The following ATRNL1 variants were observed in gnomAD, a reference collection of about 807,000 sequenced individuals.
ATRNL1 encodes the protein attractin like 1, also known as attractin-like protein 1.
A neutral mutation model predicts 182.7 loss-of-function variants in ATRNL1; 95 were observed. The ratio of observed to expected loss-of-function variants is 0.52; its 90% CI spans 0.44 to 0.62. The LOEUF (loss-of-function observed/expected upper bound fraction) is 0.62. ATRNL1 is among the 20% of genes least tolerant of loss of function. The pLI, the probability that ATRNL1 is intolerant of heterozygous loss-of-function variation, is 0.00. For missense variants in ATRNL1, 1,471 were observed against 1,679.5 expected, an observed-to-expected ratio of 0.88 and a Z score of 2.17; for synonymous variants, 576 against 568.3, an observed-to-expected ratio of 1.01 and a Z score of -0.19.
At chr10:115,476,945 C>T (rs1554973257) in intron 24 of ATRNL1, among the ~76,000 whole-genome samples, 1 of 151,310 alleles carries the variant, frequency 6.6e-6, no homozygotes, top group Non-Finnish European at 1.5e-5. Context: ...TACAGAGAAA[C>T]TACATATTTT....
intron 9 of ATRNL1, among the ~76,000 whole-genome samples, chr10:115,228,766 C>CTTT (rs35765835): frequency 2.2e-5 from 3 of 133,792 alleles, no homozygotes; most frequent in Non-Finnish European, 3.2e-5. Context: ...TTCTTTCTTT[C>CTTT]TTTTTTTTTT....
At chr10:115,125,813 A>AC (rs1844946226) in intron 3 of ATRNL1, among the ~76,000 whole-genome samples, 1 of 152,166 alleles carries the variant, frequency 6.6e-6, no homozygotes, top group South Asian at 2.1e-4. Flanking sequence ...TGAAATTACC[A>AC]CCGAGTTTTT....
At chr10:115,527,373 G>A (rs1037477251) in intron 25 of ATRNL1, among the ~76,000 whole-genome samples, 19 of 151,974 alleles carry the variant, frequency 1.3e-4, no homozygotes, top group African/African-American at 4.1e-4. Flanking sequence ...CGCTCACCTC[G>A]GCCTTCCAAA....
intron 26 of ATRNL1, among the ~76,000 whole-genome samples, chr10:115,689,120 A>C (rs12245971): frequency 7.2e-5 from 11 of 151,912 alleles, no homozygotes; most frequent in African/African-American, 2.4e-4. Context: ...AAATATTTCA[A>C]TTTGTTTCTG....
chr10:115,888,344 C>T (rs1363867149), intron 28 of ATRNL1, among the ~76,000 whole-genome samples: 1 of 152,110 alleles, frequency 6.6e-6, no homozygotes, highest in Non-Finnish European at 1.5e-5. Context: ...TTTTTGATGT[C>T]TTTGATTAAT....
At chr10:115,476,665 T>G (rs572961147) in intron 24 of ATRNL1, among the ~76,000 whole-genome samples, 28 of 151,384 alleles carry the variant, frequency 1.8e-4, no homozygotes, top group Non-Finnish European at 3.8e-4. Context: ...CCAAACTACT[T>G]TCAGCTCTCC....
At chr10:115,462,964 C>T (rs920490054) in intron 22 of ATRNL1, among the ~76,000 whole-genome samples, 20 of 151,610 alleles carry the variant, frequency 1.3e-4, no homozygotes, top group Admixed American at 6.6e-4. Flanking sequence ...AGGGTTTATT[C>T]GGGTTGAATT....
At chr10:115,365,499 G>GT (rs1554945657) in intron 19 of ATRNL1, among the ~76,000 whole-genome samples, 1 of 151,972 alleles carries the variant, frequency 6.6e-6, no homozygotes, top group African/African-American at 2.4e-5. Flanking sequence ...TTTTTGAAGG[G>GT]TTTTTTGTGT....
At chr10:115,261,066 A>G (rs1056339260) in intron 10 of ATRNL1, among the ~76,000 whole-genome samples, 1 of 152,090 alleles carries the variant, frequency 6.6e-6, no homozygotes, top group East Asian at 1.9e-4. Context: ...AGCTCATTAC[A>G]AAAAGACAAA....
intron 8 of ATRNL1, among the ~76,000 whole-genome samples, chr10:115,193,803 G>A (rs1332291045): frequency 6.6e-6 from 1 of 151,120 alleles, no homozygotes; most frequent in Non-Finnish European, 1.5e-5. Flanking sequence ...TTGTTTATTT[G>A]AAGCTTTTCT....
intron 26 of ATRNL1, among the ~76,000 whole-genome samples, chr10:115,624,381 T>A (rs1430234794): frequency 6.6e-6 from 1 of 152,164 alleles, no homozygotes; most frequent in Non-Finnish European, 1.5e-5. Flanking sequence ...TAATTTTTAT[T>A]GCAAAATAGT....
chr10:115,736,611 T>C lies in ATRNL1; in HGVS notation c.3903+9256T>C, dbSNP rs534085014. 1.6e-3 allele frequency among the ~76,000 whole-genome samples: 245 copies of C among 152,272 alleles called. 10 individuals are homozygous for C. In the South Asian group the frequency reaches 0.046, roughly 29 times the overall value. On this transcript the variant is annotated intron_variant, in intron 27 of 28. Transcript: ENST00000355044. ...ATTTGGTGATCTTTATGAGCTCTTA[T>C]ATGATCTTAGTTTGTGGTTTGCTAG...
intron 20 of ATRNL1, among the ~76,000 whole-genome samples, chr10:115,421,227 A>G (rs1332432907): frequency 6.6e-6 from 1 of 152,176 alleles, no homozygotes; most frequent in Non-Finnish European, 1.5e-5. Context: ...ACAAAACCAG[A>G]CAAAGATAAA....
chr10:115,185,299 G>A (rs1179531719), intron 8 of ATRNL1, among the ~76,000 whole-genome samples: 3 of 151,992 alleles, frequency 2.0e-5, no homozygotes, highest in Non-Finnish European at 4.4e-5. Context: ...AGAAAGCAGG[G>A]CTCCTTGGAG....
chr10:115,196,925 T>TAGTA (rs1423426792), intron 8 of ATRNL1, among the ~76,000 whole-genome samples: 1 of 152,140 alleles, frequency 6.6e-6, no homozygotes, highest in African/African-American at 2.4e-5. Flanking sequence ...TTAGGATCAT[T>TAGTA]AGTACACTAC....
chr10:115,167,135 G>A (rs527813246), intron 7 of ATRNL1, among the ~76,000 whole-genome samples: 3 of 151,644 alleles, frequency 2.0e-5, no homozygotes, highest in East Asian at 3.9e-4. Context: ...CCCCAACATC[G>A]TTTGTTAAAA....
At chr10:115,910,513 C>G (rs527991588) in intron 28 of ATRNL1, among the ~76,000 whole-genome samples, 1 of 152,116 alleles carries the variant, frequency 6.6e-6, no homozygotes, top group African/African-American at 2.4e-5. Context: ...TCAGGCAGTC[C>G]GTGCTCAGCA....
chr10:115,886,971 A>G (rs1951959528), intron 28 of ATRNL1, among the ~76,000 whole-genome samples: 2 of 152,164 alleles, frequency 1.3e-5, no homozygotes, highest in Non-Finnish European at 2.9e-5. Flanking sequence ...TTTACCCTTC[A>G]TTTTTAATAC....
chr10:115,917,490 A>AG (rs1952904975), intron 28 of ATRNL1, among the ~76,000 whole-genome samples: 1 of 148,384 alleles, frequency 6.7e-6, no homozygotes, highest in South Asian at 2.2e-4. Flanking sequence ...AAAAAAGAAA[A>AG]AAAAAACGGG....
Sources: gnomAD v4.1 joint callset for allele counts (sites outside exome capture counted in the v4.1 genomes callset) on GRCh38, gnomAD v4.1.1 for gene constraint, MANE v1.5 for transcripts, NCBI Gene and HGNC (gene_info 2026-07-23, HGNC 2026-07-21) for gene names.